The following QTMAN variants were observed in gnomAD, a reference collection of about 807,000 sequenced individuals.
The protein encoded by QTMAN is tRNA-queuosine alpha-mannosyltransferase.
chr2:144,001,082 T>G, the QTMAN span, among the ~76,000 whole-genome samples: 1 of 152,074 alleles, frequency 6.6e-6, no homozygotes, highest in South Asian at 2.1e-4. Context: ...AAAACAAAGG[T>G]AAGTTTATTC....
chr2:144,163,918 AGTTT>A, the QTMAN span, among the ~76,000 whole-genome samples: 91 of 151,572 alleles, frequency 6.0e-4, no homozygotes, highest in South Asian at 9.6e-3. Context: ...ATTTAGGGAA[AGTTT>A]GTTTGTTTGT....
At chr2:143,991,621 C>A in the QTMAN span, among the ~76,000 whole-genome samples, 1 of 143,982 alleles carries the variant, frequency 6.9e-6, no homozygotes, top group Non-Finnish European at 1.5e-5. Flanking sequence ...CGCCTCTGCC[C>A]GGCCGCCCCT....
the QTMAN span, chr2:144,332,578 G>C: frequency 6.7e-6 from 1 of 149,206 alleles, no homozygotes; most frequent in East Asian, 2.0e-4. Flanking sequence ...TCGGCCTCCG[G>C]GCGCGTCAGG....
the QTMAN span, among the ~76,000 whole-genome samples, chr2:144,166,245 C>T: frequency 6.6e-6 from 1 of 152,166 alleles, no homozygotes; most frequent in Non-Finnish European, 1.5e-5. Flanking sequence ...CTATTCCATG[C>T]TCCCTTCCCT....
At chr2:144,120,904 A>G in the QTMAN span, among the ~76,000 whole-genome samples, 1 of 152,096 alleles carries the variant, frequency 6.6e-6, no homozygotes, top group East Asian at 1.9e-4. Context: ...CTTTCTCTAC[A>G]TTTTCTGATA....
chr2:144,047,012 T>G, the QTMAN span, among the ~76,000 whole-genome samples: 2 of 152,232 alleles, frequency 1.3e-5, no homozygotes, highest in African/African-American at 2.4e-5. Flanking sequence ...GGCTCACACC[T>G]GTAATCCCAG....
chr2:143,967,939 T>C, the QTMAN span, among the ~76,000 whole-genome samples: 2 of 152,162 alleles, frequency 1.3e-5, no homozygotes, highest in African/African-American at 4.8e-5. Flanking sequence ...ATGAACAGCT[T>C]AGAACACCTG....
chr2:143,994,595 G>A, the QTMAN span, among the ~76,000 whole-genome samples: 1 of 152,138 alleles, frequency 6.6e-6, no homozygotes, highest in African/African-American at 2.4e-5. Flanking sequence ...CTACAACATG[G>A]AAGATCCTCA....
the QTMAN span, among the ~76,000 whole-genome samples, chr2:144,023,364 C>G: frequency 1.3e-5 from 2 of 152,196 alleles, no homozygotes; most frequent in South Asian, 4.2e-4. Flanking sequence ...TTTACTTAAG[C>G]TCTTAGGCAA....
At chr2:144,115,628 CA>C in the QTMAN span, among the ~76,000 whole-genome samples, 1 of 152,244 alleles carries the variant, frequency 6.6e-6, no homozygotes, top group East Asian at 1.9e-4. Flanking sequence ...TTTGTTCATT[CA>C]AAGTGCTTGG....
chr2:143,978,682 A>G, the QTMAN span, among the ~76,000 whole-genome samples: 1 of 152,180 alleles, frequency 6.6e-6, no homozygotes, highest in Non-Finnish European at 1.5e-5. Context: ...ATAATTTAAA[A>G]ACAGCACAAT....
At chr2:144,066,256 CT>C in the QTMAN span, among the ~76,000 whole-genome samples, 1 of 151,794 alleles carries the variant, frequency 6.6e-6, no homozygotes, top group Non-Finnish European at 1.5e-5. Flanking sequence ...TTTTACTGTA[CT>C]TTCTGGACTA....
At chr2:144,301,066 C>G in the QTMAN span, among the ~76,000 whole-genome samples, 17 of 152,212 alleles carry the variant, frequency 1.1e-4, no homozygotes, top group East Asian at 3.3e-3. Flanking sequence ...TAGCCAATTG[C>G]AATGCCAATG....
the QTMAN span, among the ~76,000 whole-genome samples, chr2:144,019,945 G>A: frequency 1.3e-5 from 2 of 152,220 alleles, no homozygotes; most frequent in Non-Finnish European, 2.9e-5. Flanking sequence ...CATTCCATGA[G>A]AAAGGTCACC....
chr2:144,101,484 C>T, the QTMAN span, among the ~76,000 whole-genome samples: 15 of 152,206 alleles, frequency 9.9e-5, no homozygotes, highest in South Asian at 4.1e-4. Flanking sequence ...GCTTACCCCA[C>T]GCTTCTCATG....
At chr2:144,020,628 CCA>C in the QTMAN span, among the ~76,000 whole-genome samples, 6 of 152,138 alleles carry the variant, frequency 3.9e-5, no homozygotes, top group Non-Finnish European at 7.4e-5. Context: ...GGTCAGACCC[CCA>C]CAGTCTCCCT....
At chr2:144,061,899 G>A in the QTMAN span, among the ~76,000 whole-genome samples, 1 of 152,240 alleles carries the variant, frequency 6.6e-6, no homozygotes, top group Admixed American at 6.5e-5. Flanking sequence ...GGGACAGTTA[G>A]AGAGGAGATT....
the QTMAN span, among the ~76,000 whole-genome samples, chr2:144,291,615 C>T: frequency 6.6e-6 from 1 of 152,164 alleles, no homozygotes; most frequent in African/African-American, 2.4e-5. Flanking sequence ...CCCTGGCAAG[C>T]CCCAGTCTCT....
chr2:144,178,829 A>G, the QTMAN span: 14 of 345,662 alleles, frequency 4.1e-5, no homozygotes, highest in African/African-American at 3.2e-4. Flanking sequence ...GAAGAAAAAG[A>G]GTCACCAAGG....
Sources: allele counts gnomAD v4.1 joint callset (sites outside exome capture counted in the v4.1 genomes callset), GRCh38; gene constraint gnomAD v4.1.1; transcripts MANE v1.5; gene names NCBI Gene and HGNC (gene_info 2026-07-23, HGNC 2026-07-21).